TNIK: variants seen among roughly 807,000 people sequenced by gnomAD.
The protein encoded by TNIK is TRAF2 and NCK-interacting protein kinase.
A neutral mutation model predicts 191.3 loss-of-function variants in TNIK; 49 were observed. The observed-to-expected ratio is 0.26, with a 90% CI of 0.20 to 0.32. The LOEUF (loss-of-function observed/expected upper bound fraction) is 0.32. TNIK is among the 10% of genes least tolerant of loss of function. The pLI is 1.00. For missense variants in TNIK, 1,155 were observed against 1,702.3 expected (o/e 0.68, Z 5.66); for synonymous variants, 594 against 600.9 (o/e 0.99, Z 0.17).
rs946364936 is a variant in TNIK at position 171,182,096 on chromosome 3, T to C, written c.640-4716A>G. 5.0e-4 allele frequency among the ~76,000 whole-genome samples: 75 copies of C among 151,364 alleles called. 1 individual carries two copies. The highest frequency in any genetic ancestry group is 1.7e-3 in the African/African-American group (71 of 41,272). On this transcript the variant is annotated intron_variant, in intron 7 of 32. Transcript: ENST00000436636. Reference sequence around the variant, plus strand: ...TCATATCACCACAAATACCTGTGCATACTCTGCTAAGTCACATGACCTAGT... The same window carrying C: ...TCATATCACCACAAATACCTGTGCACACTCTGCTAAGTCACATGACCTAGT...
At chr3:171,150,656 G>T (rs75775775) in intron 12 of TNIK, among the ~76,000 whole-genome samples, 4 of 152,174 alleles carry the variant, frequency 2.6e-5, no homozygotes, top group Admixed American at 2.0e-4. Flanking sequence ...AGGTTCTCTA[G>T]GTTTCACTGG....
At chr3:171,316,580 A>C (rs61122098) in intron 2 of TNIK, among the ~76,000 whole-genome samples, 7,310 of 152,208 alleles carry the variant, frequency 0.048, 577 homozygotes, top group African/African-American at 0.17. Context: ...AGAGTATCTA[A>C]AGGGATTTAA....
intron 1 of TNIK, among the ~76,000 whole-genome samples, chr3:171,377,573 AT>A (rs1717435340): frequency 6.6e-6 from 1 of 152,200 alleles, no homozygotes; most frequent in African/African-American, 2.4e-5. Context: ...ACATTTTCAT[AT>A]TTCTTCCTTA....
chr3:171,295,069 C>T (rs1752130114), intron 2 of TNIK, among the ~76,000 whole-genome samples: 1 of 151,548 alleles, frequency 6.6e-6, no homozygotes, highest in Admixed American at 6.6e-5. Flanking sequence ...GTTTGATGGG[C>T]CAGGCTTAGA....
intron 1 of TNIK, among the ~76,000 whole-genome samples, chr3:171,446,742 C>T (rs1159979109): frequency 6.6e-6 from 1 of 152,198 alleles, no homozygotes; most frequent in African/African-American, 2.4e-5. Context: ...TGAGAATAGT[C>T]TCTATTCTAT....
At chr3:171,305,190 C>T (rs1049629351) in intron 2 of TNIK, among the ~76,000 whole-genome samples, 4 of 151,972 alleles carry the variant, frequency 2.6e-5, no homozygotes, top group Non-Finnish European at 4.4e-5. Context: ...GACTTTAATG[C>T]GGCCAGTACA....
At chr3:171,110,310 T>C (rs890637651) in intron 19 of TNIK, among the ~76,000 whole-genome samples, 1 of 152,254 alleles carries the variant, frequency 6.6e-6, no homozygotes, top group African/African-American at 2.4e-5. Context: ...TTCTGAACTG[T>C]GTATATGAAC....
At chr3:171,418,953 G>A (rs905626335) in intron 1 of TNIK, among the ~76,000 whole-genome samples, 2 of 152,112 alleles carry the variant, frequency 1.3e-5, no homozygotes, top group African/African-American at 2.4e-5. Context: ...TTTCTGGTGA[G>A]GGTTCTCTTT....
At chr3:171,385,363 G>A (rs887428949) in intron 1 of TNIK, among the ~76,000 whole-genome samples, 1 of 152,158 alleles carries the variant, frequency 6.6e-6, no homozygotes, top group African/African-American at 2.4e-5. Context: ...TGTCAGGGCA[G>A]AGGCCTGAGA....
At chr3:171,353,489 C>T (rs192677522) in intron 2 of TNIK, among the ~76,000 whole-genome samples, 48 of 152,290 alleles carry the variant, frequency 3.2e-4, no homozygotes, top group East Asian at 1.4e-3. Flanking sequence ...ACTATACATA[C>T]GGGATTACAT....
chr3:171,376,393 T>C (rs1717219516), intron 1 of TNIK, among the ~76,000 whole-genome samples: 4 of 152,194 alleles, frequency 2.6e-5, no homozygotes, highest in Admixed American at 2.6e-4. Context: ...GGTCTTGCTT[T>C]ACACAGTAAG....
chr3:171,324,804 GAGA>G (rs1755555842), intron 2 of TNIK, among the ~76,000 whole-genome samples: 1 of 152,126 alleles, frequency 6.6e-6, no homozygotes, highest in East Asian at 1.9e-4. Context: ...GTTTGTTAAA[GAGA>G]AGAACTCAGG....
At chr3:171,076,667 T>C (rs9823701) in intron 28 of TNIK, among the ~76,000 whole-genome samples, 6,817 of 152,250 alleles carry the variant, frequency 0.045, 517 homozygotes, top group African/African-American at 0.16. Context: ...GTACCTATTT[T>C]AAAAAGCCAA....
chr3:171,115,074 G>A (rs1291422171), intron 18 of TNIK, among the ~76,000 whole-genome samples: 2 of 152,212 alleles, frequency 1.3e-5, no homozygotes, highest in Non-Finnish European at 2.9e-5. Context: ...CTCACCAACT[G>A]TATTACAGAT....
intron 18 of TNIK, among the ~76,000 whole-genome samples, chr3:171,113,197 C>T (rs761134847): frequency 5.3e-5 from 8 of 152,012 alleles, no homozygotes; most frequent in Non-Finnish European, 1.0e-4. Flanking sequence ...TAATTAAATC[C>T]TTTGTTCATG....
chr3:171,318,474 CTTAAG>C (rs564074317), intron 2 of TNIK, among the ~76,000 whole-genome samples: 36 of 152,206 alleles, frequency 2.4e-4, no homozygotes, highest in South Asian at 6.2e-4. Flanking sequence ...AGCAAAATTT[CTTAAG>C]TTAATTCTTA....
rs532022047 is a variant in TNIK at position 171,389,817 on chromosome 3, G to C, written c.58-20132C>G. 2.4e-4 allele frequency among the ~76,000 whole-genome samples: 37 copies of C among 152,334 alleles called. 1 individual carries two copies. The South Asian group carries it at 7.3e-3, about 30-fold the overall frequency. On this transcript the variant is annotated intron_variant, in intron 1 of 32. Transcript: ENST00000436636. ...AATATGGCAGCCACATAGTGAAGCA[G>C]AGAGCATCAAGACATAAAAGCCGTT...
intron 8 of TNIK, 92 bp from the exon 9 acceptor site, chr3:171,175,422 A>C (rs1735844992): frequency 9.6e-7 from 1 of 1,044,340 alleles, no homozygotes; most frequent in African/African-American, 1.6e-5. Context: ...CTGCCCAATG[A>C]CCCACTCAGT....
intron 2 of TNIK, among the ~76,000 whole-genome samples, chr3:171,272,471 T>A (rs1392232114): frequency 6.6e-6 from 1 of 152,190 alleles, no homozygotes; most frequent in Admixed American, 6.5e-5. Context: ...TGAAGGAAAA[T>A]CCCTGAAGTG....
Sources: gnomAD v4.1 joint callset for allele counts (sites outside exome capture counted in the v4.1 genomes callset) on GRCh38, gnomAD v4.1.1 for gene constraint, MANE v1.5 for transcripts, NCBI Gene and HGNC (gene_info 2026-07-23, HGNC 2026-07-21) for gene names.